The following ATF7IP variants were observed in gnomAD, a reference collection of about 807,000 sequenced individuals.
The protein encoded by ATF7IP is activating transcription factor 7-interacting protein 1.
ATF7IP carries 23 observed loss-of-function variants against 106.4 expected under a neutral mutation model. That is an observed-to-expected ratio of 0.22 (90% confidence interval 0.16 to 0.31). ATF7IP has a LOEUF of 0.31. Among genes scored for constraint, ATF7IP ranks in the 10% least tolerant of loss-of-function variants. ATF7IP has a pLI of 1.00. For synonymous variants in ATF7IP, 542 were observed against 539.0 expected (o/e 1.01, Z -0.08); for missense variants, 1,334 against 1,524.3 (o/e 0.88, Z 2.08).
At chr12:14,370,902 ATTTTT>A (rs533633885) in intron 1 of ATF7IP, among the ~76,000 whole-genome samples, 1 of 145,004 alleles carries the variant, frequency 6.9e-6, no homozygotes, top group Non-Finnish European at 1.5e-5. Flanking sequence ...AACACAGACA[ATTTTT>A]TTTTTTTTTG....
intron 8 of ATF7IP, among the ~76,000 whole-genome samples, chr12:14,457,638 C>A (rs2136708176): frequency 6.6e-6 from 1 of 152,162 alleles, no homozygotes; most frequent in South Asian, 2.1e-4. Flanking sequence ...TGTAGTAGTT[C>A]ACAAACTTTC....
chr12:14,436,299 A>G, intron 4 of ATF7IP, 48 bp downstream of exon 4: 1 of 1,501,438 alleles, frequency 6.7e-7, no homozygotes, highest in Non-Finnish European at 9.1e-7. Flanking sequence ...AAATAGCACC[A>G]CTATCTTCTT....
In ATF7IP at chr12:14,460,550, G is replaced by A. The variant is rs140561687; in HGVS notation, c.2214G>A (p.Leu738=). ...CAGTTGTCAGTAGTCAACCTAAATTGCAGACTCCAGTGACTTCGGGTTCCC... is the reference window on the plus strand; with the variant it reads ...CAGTTGTCAGTAGTCAACCTAAATTACAGACTCCAGTGACTTCGGGTTCCC... ...PPAVVSSQPK[L]QTPVTSGSLT... The change falls in exon 9 of 15, where the codon TTG becomes TTA. Residue 738 remains leucine (L), a synonymous_variant. Coordinates refer to ENST00000261168, the MANE Select transcript of ATF7IP (RefSeq NM_018179.5). The A allele has an allele frequency of 3.0e-5, 49 of 1,613,936 alleles. No homozygotes were observed. Among genetic ancestry groups the A allele is most frequent in the Non-Finnish European group, 4.1e-5 (48 of 1,180,018 alleles).
rs558799640 is a variant in ATF7IP at position 14,501,325 on chromosome 12, T to G, written c.*3252T>G. On this transcript the variant is annotated 3_prime_UTR_variant, in exon 15 of 15. Coordinates refer to ENST00000261168, the MANE Select transcript of ATF7IP (RefSeq NM_018179.5). The stretch of plus-strand genomic sequence containing the variant: ...TGCCTTATTGGAAATTCTGGAAACC[T>G]GATACTGCAACCTGCAATGTAGGAT... 6.6e-6 allele frequency: 1 copy of G among 152,214 alleles called. No individual in the cohort carries two copies. The highest frequency in any genetic ancestry group is 1.5e-5 in the Non-Finnish European group (1 of 68,028). The allele number at this position is 152,214 out of a possible 1,614,324, so 9.4% of individuals were successfully genotyped here. A position where few individuals can be genotyped will look rare whatever the true frequency, so the allele number is the denominator to read the frequency against.
chr12:14,385,601 C>A (rs1337377069), intron 1 of ATF7IP, among the ~76,000 whole-genome samples: 1 of 152,072 alleles, frequency 6.6e-6, no homozygotes, highest in East Asian at 1.9e-4. Context: ...TAATTTCTCA[C>A]CATTTTATGT....
chr12:14,471,801 A>G (rs1227249530), intron 10 of ATF7IP, among the ~76,000 whole-genome samples: 4 of 152,038 alleles, frequency 2.6e-5, no homozygotes, highest in African/African-American at 9.7e-5. Context: ...CTCCCACCAC[A>G]CATGGAAATT....
intron 10 of ATF7IP, among the ~76,000 whole-genome samples, chr12:14,467,688 CAAGT>C (rs1371978302): frequency 6.9e-6 from 1 of 145,534 alleles, no homozygotes; most frequent in Non-Finnish European, 1.5e-5. Flanking sequence ...TTTTTTTTAA[CAAGT>C]AATATTTTCA....
At chr12:14,376,325 G>C (rs1854746097) in intron 1 of ATF7IP, among the ~76,000 whole-genome samples, 1 of 152,174 alleles carries the variant, frequency 6.6e-6, no homozygotes, top group African/African-American at 2.4e-5. Flanking sequence ...GCCCTTCCTT[G>C]AAATCAAGCT....
chr12:14,422,326 C>G (rs907837574), intron 1 of ATF7IP, among the ~76,000 whole-genome samples: 1 of 147,926 alleles, frequency 6.8e-6, no homozygotes, highest in Non-Finnish European at 1.5e-5. Flanking sequence ...CACACACACA[C>G]ACACACACAC....
At chr12:14,407,867 C>T (rs1460756639) in intron 1 of ATF7IP, among the ~76,000 whole-genome samples, 1 of 152,078 alleles carries the variant, frequency 6.6e-6, no homozygotes, top group Non-Finnish European at 1.5e-5. Context: ...ATAAGGCATA[C>T]TTCCTACCTT....
In ATF7IP at chr12:14,403,944, G is replaced by A. The variant is rs1205805785; in HGVS notation, c.-7-19965G>A. On this transcript the variant is annotated intron_variant, in intron 1 of 14. Transcript: ENST00000261168. ...AACTGAATTATAAATAGGGTTATGA[G>A]CAGAAGTGCAATTGAAATTGAGATT... Among the ~76,000 whole-genome samples, 3 of 152,102 alleles carry A rather than the reference G, an allele frequency of 2.0e-5. No individual in the cohort carries two copies. In the East Asian group the frequency reaches 5.8e-4, roughly 29 times the overall value.
intron 1 of ATF7IP, among the ~76,000 whole-genome samples, chr12:14,393,951 T>TAAC (rs1939708230): frequency 6.6e-6 from 1 of 152,166 alleles, no homozygotes; most frequent in African/African-American, 2.4e-5. Flanking sequence ...GATACAGGTT[T>TAAC]GAAAAGAATG....
At position 14,502,696 on chromosome 12, in the gene ATF7IP, AAAT is replaced by A. The variant is rs1302983713; in HGVS notation, c.*4629_*4631del. On this transcript the variant is annotated 3_prime_UTR_variant, in exon 15 of 15. Transcript: ENST00000261168. ...TTTTCTTTATTGCAATTGAAAGTGT[AAAT>A]AATAAGACAATGTAAGTAAGACCTT... 2.0e-5 allele frequency: 3 copies of A among 152,188 alleles called. No homozygotes were observed. The highest frequency in any genetic ancestry group is 2.0e-4 in the Admixed American group (3 of 15,282). The allele number at this position is 152,188 out of a possible 1,614,324, so 9.4% of individuals were successfully genotyped here.
At chr12:14,482,103 A>T (rs1944450136) in intron 13 of ATF7IP, 1 of 152,218 alleles carries the variant, frequency 6.6e-6, no homozygotes, top group South Asian at 2.1e-4. Flanking sequence ...TCAGGTTAAG[A>T]AGTAGAAATT....
chr12:14,369,432 G>C (rs116699331), intron 1 of ATF7IP: 1 of 152,146 alleles, frequency 6.6e-6, no homozygotes, highest in African/African-American at 2.4e-5. Flanking sequence ...TTGGCTCACT[G>C]TAACCTCTTC....
At chr12:14,402,817 T>TCAA (rs1362028256) in intron 1 of ATF7IP, among the ~76,000 whole-genome samples, 3 of 152,182 alleles carry the variant, frequency 2.0e-5, no homozygotes, top group African/African-American at 7.2e-5. Flanking sequence ...AGGCTGGTCT[T>TCAA]GAACTTCTGA....
At chr12:14,444,712 AGTTT>A (rs1942867132) in intron 5 of ATF7IP, among the ~76,000 whole-genome samples, 1 of 152,044 alleles carries the variant, frequency 6.6e-6, no homozygotes, top group African/African-American at 2.4e-5. Flanking sequence ...CCACATTTTG[AGTTT>A]GTTTTTCTGC....
chr12:14,437,959 A>G (rs1434150904), intron 4 of ATF7IP, among the ~76,000 whole-genome samples, 171 bp from the exon 5 acceptor site: 2 of 152,024 alleles, frequency 1.3e-5, no homozygotes, highest in Non-Finnish European at 2.9e-5. Flanking sequence ...AGGCTGAGGC[A>G]GGAGAATGGC....
chr12:14,443,049 T>A (rs1942787521), intron 5 of ATF7IP, among the ~76,000 whole-genome samples: 1 of 152,066 alleles, frequency 6.6e-6, no homozygotes, highest in South Asian at 2.1e-4. Context: ...CAGCTACTAG[T>A]GAGGCTGAGG....
Sources: gnomAD v4.1 joint callset for allele counts (sites outside exome capture counted in the v4.1 genomes callset) on GRCh38, gnomAD v4.1.1 for gene constraint, MANE v1.5 for transcripts, NCBI Gene and HGNC (gene_info 2026-07-23, HGNC 2026-07-21) for gene names.